The following THSD4 variants were observed in gnomAD, a reference collection of about 807,000 sequenced individuals.
THSD4 encodes the protein thrombospondin type-1 domain-containing protein 4.
In THSD4, 69 loss-of-function variants were observed where a neutral mutation model predicts 119.0. The ratio of observed to expected loss-of-function variants is 0.58; its 90% confidence interval spans 0.48 to 0.71. THSD4 has a LOEUF of 0.71. Among genes scored for constraint, THSD4 ranks in the 30% least tolerant of loss-of-function variants. The pLI is 0.00. For missense variants in THSD4, 1,393 were observed against 1,391.1 expected (o/e 1.00, Z -0.02); for synonymous variants, 524 against 540.4 (o/e 0.97, Z 0.42).
intron 6 of THSD4, among the ~76,000 whole-genome samples, chr15:71,384,001 A>G (rs976472914): frequency 3.7e-4 from 56 of 151,646 alleles, no homozygotes; most frequent in Non-Finnish European, 1.6e-4. Flanking sequence ...ATTTAGTTCA[A>G]TAGGTGGTCT....
At chr15:71,101,666 C>T (rs745743251) in intron 1 of THSD4, among the ~76,000 whole-genome samples, 12 of 151,882 alleles carry the variant, frequency 7.9e-5, no homozygotes, top group African/African-American at 2.2e-4. Flanking sequence ...CATTCATGAA[C>T]GATATTTCCA....
At chr15:71,222,349 C>T (rs1394603563) in intron 4 of THSD4, among the ~76,000 whole-genome samples, 7 of 152,198 alleles carry the variant, frequency 4.6e-5, no homozygotes, top group Admixed American at 4.6e-4. Context: ...AGCTTTCCTT[C>T]CCACTGGACT....
intron 16 of THSD4, among the ~76,000 whole-genome samples, chr15:71,770,699 G>A (rs1366966605): frequency 2.0e-5 from 3 of 152,154 alleles, no homozygotes; most frequent in Non-Finnish European, 4.4e-5. Context: ...AGTGGAAGTA[G>A]GAACACTGAG....
chr15:71,125,904 G>A (rs1236800068), intron 1 of THSD4, among the ~76,000 whole-genome samples: 5 of 152,256 alleles, frequency 3.3e-5, no homozygotes, highest in African/African-American at 9.6e-5. Context: ...TTAGGGGGTG[G>A]TGGCGCACAG....
At chr15:71,553,586 C>G (rs999639127) in intron 7 of THSD4, among the ~76,000 whole-genome samples, 1 of 152,126 alleles carries the variant, frequency 6.6e-6, no homozygotes, top group Non-Finnish European at 1.5e-5. Flanking sequence ...CTTGAACTCT[C>G]AAAATGCTGG....
At chr15:71,498,780 C>T (rs1228745750) in intron 7 of THSD4, among the ~76,000 whole-genome samples, 2 of 152,062 alleles carry the variant, frequency 1.3e-5, no homozygotes, top group Non-Finnish European at 2.9e-5. Context: ...ACAGCAGCCT[C>T]ACCCTCCTGG....
chr15:71,459,380 G>GTCTCTCTCTCTC (rs141034841), intron 7 of THSD4, among the ~76,000 whole-genome samples: 21 of 137,756 alleles, frequency 1.5e-4, no homozygotes, highest in South Asian at 1.0e-3. Flanking sequence ...CTGTCTCTCT[G>GTCTCTCTCTCTC]TCTCTCTCTC....
intron 6 of THSD4, among the ~76,000 whole-genome samples, chr15:71,368,893 A>G (rs137860219): frequency 0.023 from 3,553 of 152,214 alleles, 139 homozygotes; most frequent in African/African-American, 0.082. Context: ...CCATTTTCAC[A>G]ATATTGATTC....
intron 6 of THSD4, among the ~76,000 whole-genome samples, chr15:71,408,493 A>G (rs1019095391): frequency 1.3e-5 from 2 of 152,118 alleles, no homozygotes; most frequent in East Asian, 1.9e-4. Flanking sequence ...TCAGCCTCCA[A>G]TAGTGTTGGC....
intron 3 of THSD4, chr15:71,166,997 G>A (rs1469877871): frequency 6.6e-6 from 1 of 151,982 alleles, no homozygotes; most frequent in Admixed American, 6.6e-5. Context: ...TATAATAAAC[G>A]TGTATTTATT....
At chr15:71,586,914 A>G (rs1292237735) in intron 7 of THSD4, among the ~76,000 whole-genome samples, 3 of 152,216 alleles carry the variant, frequency 2.0e-5, no homozygotes, top group Non-Finnish European at 2.9e-5. Context: ...GCTAGGCCCT[A>G]TGGAAGATAT....
intron 3 of THSD4, among the ~76,000 whole-genome samples, chr15:71,212,894 T>G (rs935807390): frequency 6.6e-6 from 1 of 152,202 alleles, no homozygotes; most frequent in African/African-American, 2.4e-5. Context: ...GCTGCCTGTG[T>G]CACAGAGCCG....
chr15:71,191,048 G>A (rs2043667705), intron 3 of THSD4, among the ~76,000 whole-genome samples: 1 of 152,126 alleles, frequency 6.6e-6, no homozygotes, highest in African/African-American at 2.4e-5. Context: ...CGACTCTGTT[G>A]ATCACTCTCT....
At chr15:71,479,230 C>G (rs1167307289) in intron 7 of THSD4, among the ~76,000 whole-genome samples, 1 of 134,886 alleles carries the variant, frequency 7.4e-6, no homozygotes, top group Admixed American at 8.2e-5. Context: ...ACTCCCCTAC[C>G]TGAGTAAGGT....
intron 7 of THSD4, among the ~76,000 whole-genome samples, chr15:71,645,404 CTCATGAGAACTTACCA>C (rs1292932575): frequency 1.3e-5 from 2 of 152,118 alleles, no homozygotes; most frequent in African/African-American, 2.4e-5. Context: ...GCCATCAGAT[CTCATGAGAACTTACCA>C]TCATGAGAAT....
rs1351966134 is a variant in THSD4, at chr15:71,728,583, T to C, written c.1392T>C (p.Asn464=). The change falls in exon 9 of 18, where the codon AAT becomes AAC. Residue 464 remains asparagine, a synonymous_variant. Transcript: ENST00000261862. ...LRSRSGRSII[N]GNWAIDRPGK... ...GTCGTTCTGGACGCTCCATCATCAATGGGAACTGGGCAATTGATCGACCAG... is the reference window on the plus strand; with the variant it reads ...GTCGTTCTGGACGCTCCATCATCAACGGGAACTGGGCAATTGATCGACCAG... 1 of 1,614,060 alleles carries C rather than the reference T, an allele frequency of 6.2e-7. No homozygotes were observed. The highest frequency in any genetic ancestry group is 8.5e-7 in the Non-Finnish European group (1 of 1,180,048).
intron 6 of THSD4, among the ~76,000 whole-genome samples, chr15:71,257,132 T>C (rs2044327052): frequency 6.6e-6 from 1 of 152,168 alleles, no homozygotes. Context: ...TACAGTTGTA[T>C]GGTTCTCACC....
intron 6 of THSD4, among the ~76,000 whole-genome samples, chr15:71,358,971 C>T (rs894886841): frequency 6.6e-6 from 1 of 152,184 alleles, no homozygotes; most frequent in African/African-American, 2.4e-5. Context: ...CATAGCCCAC[C>T]CTGTCAGCTA....
chr15:71,424,965 T>C (rs2046850304), intron 7 of THSD4, among the ~76,000 whole-genome samples: 1 of 152,084 alleles, frequency 6.6e-6, no homozygotes, highest in Non-Finnish European at 1.5e-5. Context: ...ATCTCAGGCT[T>C]CCAGACTTTA....
Sources: gnomAD v4.1 joint callset for allele counts (sites outside exome capture counted in the v4.1 genomes callset) on GRCh38, gnomAD v4.1.1 for gene constraint, MANE v1.5 for transcripts, NCBI Gene and HGNC (gene_info 2026-07-23, HGNC 2026-07-21) for gene names.